OR7A10: variants seen among roughly 807,000 people sequenced by gnomAD.
OR7A10 encodes the protein olfactory receptor family 7 subfamily A member 10, also known as olfactory receptor 7A10.
For missense variants in OR7A10, 358 were observed against 370.1 expected, an observed-to-expected ratio of 0.97 and a Z score of 0.27; for synonymous variants, 144 against 144.5, an observed-to-expected ratio of 1.00 and a Z score of 0.02.
chr19:14,844,155 A>G (rs1283356557), intron 1 of OR7A10, among the ~76,000 whole-genome samples: 1 of 152,250 alleles, frequency 6.6e-6, no homozygotes, highest in African/African-American at 2.4e-5. Flanking sequence ...ACCACATGCT[A>G]TGTCAGATGA....
chr19:14,842,452 T>C (rs958746866), intron 1 of OR7A10, among the ~76,000 whole-genome samples: 2 of 152,222 alleles, frequency 1.3e-5, no homozygotes, highest in Non-Finnish European at 2.9e-5. Context: ...AGTTTTGCCA[T>C]GTTGGCTAGG....
Position 14,841,513 on chromosome 19 carries a change from C to G in OR7A10, c.365G>C (p.Arg122Pro). ...NFLLTVMAYDRFVAICHPLHY... is the reference protein window; with the variant it reads ...NFLLTVMAYDPFVAICHPLHY... ...CAGAGGGTGACAGATGGCCACAAAC[C>G]GGTCATAGGCCATCACGGTCAGAAG... The change falls in exon 2 of 2, where the codon CGG becomes CCG. Residue 122 changes from arginine (R) to proline (P), a missense_variant. Physicochemically the swap from Arg to Pro is moderately radical, Grantham distance 103. Coordinates refer to ENST00000641129, the MANE Select transcript of OR7A10 (RefSeq NM_001005190.2). The G allele has an allele frequency of 6.2e-7, 1 of 1,614,074 alleles. No homozygotes were observed. Among genetic ancestry groups the G allele is most frequent in the Non-Finnish European group, 8.5e-7 (1 of 1,180,022 alleles).
intron 1 of OR7A10, among the ~76,000 whole-genome samples, chr19:14,846,861 AG>A (rs2044945417): frequency 6.6e-6 from 1 of 152,212 alleles, no homozygotes; most frequent in African/African-American, 2.4e-5. Context: ...AGGCACAATA[AG>A]GAATGACAGA....
At chr19:14,846,391 C>A (rs1046183193) in intron 1 of OR7A10, among the ~76,000 whole-genome samples, 2 of 151,926 alleles carry the variant, frequency 1.3e-5, no homozygotes, top group Non-Finnish European at 2.9e-5. Context: ...TTAGGTTAAG[C>A]ACAGTGGTTT....
intron 1 of OR7A10, 59 bp downstream of exon 1, chr19:14,848,441 G>A (rs2044953715): frequency 6.6e-6 from 1 of 152,196 alleles, no homozygotes; most frequent in South Asian, 2.1e-4. Context: ...GAGATCTCGG[G>A]TCTATGTTCA....
chr19:14,846,216 A>G (rs746238803), intron 1 of OR7A10, among the ~76,000 whole-genome samples: 6 of 152,198 alleles, frequency 3.9e-5, no homozygotes, highest in African/African-American at 9.7e-5. Flanking sequence ...AGGAGAAGAC[A>G]AGCTAAAAAC....
chr19:14,842,276 G>A (rs1364459671), intron 1 of OR7A10, among the ~76,000 whole-genome samples: 1 of 152,140 alleles, frequency 6.6e-6, no homozygotes, highest in Non-Finnish European at 1.5e-5. Context: ...TTTTGAGATG[G>A]AGTCTCGCTC....
chr19:14,847,809 G>T (rs4808068), intron 1 of OR7A10, among the ~76,000 whole-genome samples: 2 of 150,828 alleles, frequency 1.3e-5, no homozygotes, highest in Admixed American at 6.6e-5. Flanking sequence ...CCACCACGCC[G>T]GACCAAATAT....
rs574116510 is a variant in OR7A10, at chr19:14,841,450, A to C, written c.428T>G (p.Leu143Arg). The part of the protein sequence containing the change: ...MVIMNPQLCG[L>R]LVLASWIMSV... ...CATGATCCAGGATGCCAGAACCAGC[A>C]GTCCACAGAGTTGAGGGTTCATAAT... Residue 143 changes from leucine to arginine, a missense_variant, in exon 2 of 2, where the codon CTG (leucine) becomes CGG (arginine). Coordinates refer to ENST00000641129, the MANE Select transcript of OR7A10 (RefSeq NM_001005190.2). 8.7e-6 allele frequency: 14 copies of C among 1,614,224 alleles called. No individual in the cohort carries two copies. In the East Asian group the frequency reaches 2.2e-4, roughly 26 times the overall value.
At position 14,841,649 on chromosome 19, in the gene OR7A10, T is replaced by C. The variant is rs747409831; in HGVS notation, c.229A>G (p.Thr77Ala). 2.0e-5 allele frequency: 33 copies of C among 1,614,008 alleles called. 1 individual carries two copies. The South Asian group carries it at 3.5e-4, about 17-fold the overall frequency. Reference protein sequence around the residue: ...SFVDICFVSTTVPKMLVNIQT... With the variant: ...SFVDICFVSTAVPKMLVNIQT... Reference sequence around the variant, plus strand: ...ATGTTCACCAGCATCTTCGGGACAGTGGTAGAGACAAAACAGATGTCTACG... The same window carrying C: ...ATGTTCACCAGCATCTTCGGGACAGCGGTAGAGACAAAACAGATGTCTACG... Residue 77 changes from threonine (T) to alanine (A), a missense_variant, in exon 2 of 2, where the codon ACT (threonine) becomes GCT (alanine). Physicochemically the swap from Thr to Ala is moderately conservative, Grantham distance 58. Coordinates refer to ENST00000641129, the MANE Select transcript of OR7A10 (RefSeq NM_001005190.2).
At chr19:14,848,156 C>T (rs925988893) in intron 1 of OR7A10, among the ~76,000 whole-genome samples, 2 of 151,784 alleles carry the variant, frequency 1.3e-5, no homozygotes, top group African/African-American at 2.4e-5. Context: ...CCTTTCGTAT[C>T]CCCCATAGCT....
At position 14,841,065 on chromosome 19, in the gene OR7A10, A is replaced by T. The variant is rs931010173; in HGVS notation, c.813T>A (p.Gly271=). The change falls in exon 2 of 2, where the codon GGT becomes GGA. Residue 271 remains glycine, a synonymous_variant. Coordinates refer to ENST00000641129, the MANE Select transcript of OR7A10 (RefSeq NM_001005190.2). The part of the protein sequence containing the change: ...SSAATHNSHT[G]AAASVMYTVV... ...CAGTGTACATCACTGAGGCTGCAGC[A>T]CCTGTGTGTGAATTGTGGGTGGCAG... 1.2e-6 allele frequency: 2 copies of T among 1,614,106 alleles called. No homozygotes were observed. Among genetic ancestry groups the T allele is most frequent in the African/African-American group, 1.3e-5 (1 of 75,024 alleles).
chr19:14,844,664 G>GTTTTTTGTTTTTTTTTT, intron 1 of OR7A10, among the ~76,000 whole-genome samples: 1 of 97,666 alleles, frequency 1.0e-5, no homozygotes, highest in East Asian at 2.8e-4. Flanking sequence ...TGAGTTCTGT[G>GTTTTTTGTTTTTTTTTT]TTTTTTTTTT....
chr19:14,842,413 T>A (rs1383181140), intron 1 of OR7A10, among the ~76,000 whole-genome samples: 1 of 152,092 alleles, frequency 6.6e-6, no homozygotes, highest in Non-Finnish European at 1.5e-5. Context: ...ACCACGCCCA[T>A]CTAATTTTTG....
rs759855112 is a variant in OR7A10, at chr19:14,841,674, G to A, written c.204C>T (p.Phe68=). The stretch of plus-strand genomic sequence containing the variant: ...TGGTAGAGACAAAACAGATGTCTAC[G>A]AAGGACAGGTTGGAGAGGAAGAAGT... ...PMYFFLSNLS[F]VDICFVSTTV... The change falls in exon 2 of 2, where the codon TTC becomes TTT. Residue 68 remains phenylalanine, a synonymous_variant. Transcript: ENST00000641129. The A allele has an allele frequency of 5.6e-6, 9 of 1,614,128 alleles. No individual in the cohort carries two copies. Among genetic ancestry groups the A allele is most frequent in the Admixed American group, 3.3e-5 (2 of 59,992 alleles).
At chr19:14,844,104 A>T (rs11882567) in intron 1 of OR7A10, among the ~76,000 whole-genome samples, 23,218 of 152,234 alleles carry the variant, frequency 0.15, 1,841 homozygotes, top group Non-Finnish European at 0.17. Context: ...AGAAGTCCCT[A>T]TGCTCTAAAC....
rs1009354571 is a variant in OR7A10 at position 14,841,182 on chromosome 19, C to T, written c.696G>A (p.Gln232=). ...AGGTGGAAAATGCCTTATACTTCCC[C>T]TGAGCTGATGAGATTGCACGTATGG... The part of the protein sequence containing the change: ...VSSIRAISSA[Q]GKYKAFSTCA... The change falls in exon 2 of 2, where the codon CAG becomes CAA. Residue 232 remains glutamine, a synonymous_variant. Coordinates refer to ENST00000641129, the MANE Select transcript of OR7A10 (RefSeq NM_001005190.2). 1 of 1,614,136 alleles carries T rather than the reference C, an allele frequency of 6.2e-7. No individual in the cohort carries two copies. The highest frequency in any genetic ancestry group is 2.2e-5 in the East Asian group (1 of 44,880).
Position 14,840,915 on chromosome 19 carries a change from G to A in OR7A10, c.*33C>T. On this transcript the variant is annotated 3_prime_UTR_variant, in exon 2 of 2. Transcript: ENST00000641129. ...TTCTGGCTCTGGGGCTTAGAGCTCTGAAGTCACAGGCCTTTCTTGAAAAAT... is the reference window on the plus strand; with the variant it reads ...TTCTGGCTCTGGGGCTTAGAGCTCTAAAGTCACAGGCCTTTCTTGAAAAAT... 1.3e-6 allele frequency: 2 copies of A among 1,484,996 alleles called. No homozygotes were observed. Among genetic ancestry groups the A allele is most frequent in the Non-Finnish European group, 1.8e-6 (2 of 1,085,524 alleles). The allele number at this position is 1,484,996 out of a possible 1,614,324, so 92.0% of individuals were successfully genotyped here.
At chr19:14,842,263 C>G (rs1404311814) in intron 1 of OR7A10, among the ~76,000 whole-genome samples, 5 of 152,160 alleles carry the variant, frequency 3.3e-5, no homozygotes, top group African/African-American at 9.7e-5. Flanking sequence ...CTCTTGTTTT[C>G]TTTTTTGAGA....
Sources: allele counts gnomAD v4.1 joint callset (sites outside exome capture counted in the v4.1 genomes callset), GRCh38; gene constraint gnomAD v4.1.1; transcripts MANE v1.5; gene names NCBI Gene and HGNC (gene_info 2026-07-23, HGNC 2026-07-21).